Variants in MICAL3 observed in about 807,000 individuals in gnomAD.
The protein encoded by MICAL3 is [F-actin]-monooxygenase MICAL3.
MICAL3 carries 62 observed loss-of-function variants against 207.4 expected under a neutral mutation model. The ratio of observed to expected loss-of-function variants is 0.30; its 90% CI spans 0.24 to 0.37. The LOEUF is 0.37. Ranked by LOEUF, MICAL3 falls within the 10% of genes least tolerant of loss-of-function variation. The pLI, the probability that MICAL3 is intolerant of heterozygous loss-of-function variation, is 1.00. For synonymous variants in MICAL3, 1,077 were observed against 1,069.3 expected (o/e 1.01, Z -0.14); for missense variants, 2,368 against 2,635.6 (o/e 0.90, Z 2.22).
At chr22:17,843,075 T>C (rs996001870) in intron 19 of MICAL3, among the ~76,000 whole-genome samples, 22 of 133,598 alleles carry the variant, frequency 1.6e-4, no homozygotes, top group African/African-American at 6.5e-4. Context: ...GAACCGAGAT[T>C]GCGCCACTGC....
chr22:17,812,414 G>T, intron 27 of MICAL3: 1 of 555,078 alleles, frequency 1.8e-6, no homozygotes. Context: ...AACACAGTTA[G>T]TGAGGATGTG....
intron 1 of MICAL3, among the ~76,000 whole-genome samples, chr22:17,974,394 T>C (rs1020729841): frequency 2.0e-5 from 3 of 152,218 alleles, no homozygotes; most frequent in Admixed American, 2.0e-4. Context: ...ATTTCATGTT[T>C]TACTCAAACC....
intron 1 of MICAL3, among the ~76,000 whole-genome samples, chr22:17,938,827 A>C (rs1279412356): frequency 1.3e-5 from 2 of 151,470 alleles, no homozygotes; most frequent in Non-Finnish European, 2.9e-5. Flanking sequence ...ACACGTGGTG[A>C]AGGTGAAGCA....
chr22:17,800,679 C>A (rs188747571), intron 29 of MICAL3, among the ~76,000 whole-genome samples: 1 of 152,222 alleles, frequency 6.6e-6, no homozygotes, highest in East Asian at 1.9e-4. Flanking sequence ...CTGCTTGGAG[C>A]TTTGCTCTGC....
intron 16 of MICAL3, chr22:17,876,808 TTA>T (rs1928479807): frequency 9.2e-6 from 1 of 108,190 alleles, no homozygotes; most frequent in Non-Finnish European, 2.0e-5. Context: ...GTTATGGAGG[TTA>T]GGGAGGTTAG....
intron 29 of MICAL3, among the ~76,000 whole-genome samples, chr22:17,797,897 G>A (rs766428840): frequency 3.3e-5 from 5 of 152,228 alleles, no homozygotes; most frequent in Non-Finnish European, 5.9e-5. Flanking sequence ...AACTGGCCCC[G>A]GGGACCTGCC....
At position 17,791,012 on chromosome 22, in the gene MICAL3, C is replaced by A. The variant is rs767055189; in HGVS notation, c.5810G>T (p.Arg1937Leu). The change falls in exon 31 of 32, where the codon CGC becomes CTC. Residue 1937 changes from arginine to leucine, a missense_variant. Transcript: ENST00000441493. ...QSRLQQELRE[R>L]MAVEDHLKTE... The stretch of plus-strand genomic sequence containing the variant: ...ACCCCACTCACCTTCCACTGCCATG[C>A]GTTCCCGGAGCTCCTGCTGCAGTCG... 2 of 1,612,386 alleles carry A rather than the reference C, an allele frequency of 1.2e-6. No homozygotes were observed. Among genetic ancestry groups the A allele is most frequent in the Non-Finnish European group, 1.7e-6 (2 of 1,179,814 alleles).
intron 16 of MICAL3, chr22:17,879,337 C>T: frequency 6.2e-7 from 1 of 1,604,554 alleles, no homozygotes; most frequent in Non-Finnish European, 8.5e-7. Flanking sequence ...CGGGTTCATG[C>T]TCTTTTACCC....
At chr22:18,002,888 G>A (rs144764414) in intron 1 of MICAL3, among the ~76,000 whole-genome samples, 1 of 152,138 alleles carries the variant, frequency 6.6e-6, no homozygotes, top group Non-Finnish European at 1.5e-5. Context: ...TGGGCGCGGT[G>A]GCTCACGCCT....
chr22:17,880,200 C>T (rs948064097), intron 16 of MICAL3, among the ~76,000 whole-genome samples: 6 of 152,190 alleles, frequency 3.9e-5, no homozygotes, highest in Admixed American at 1.3e-4. Flanking sequence ...AAGCCAGATT[C>T]GAGTCTGGCT....
At chr22:18,012,150 A>G (rs1241789608) in intron 1 of MICAL3, among the ~76,000 whole-genome samples, 1 of 151,822 alleles carries the variant, frequency 6.6e-6, no homozygotes, top group Non-Finnish European at 1.5e-5. Flanking sequence ...CAGAAGAATC[A>G]CTTGAACTTG....
intron 29 of MICAL3, among the ~76,000 whole-genome samples, chr22:17,800,931 C>T (rs1363088049): frequency 2.0e-5 from 3 of 152,172 alleles, no homozygotes; most frequent in East Asian, 1.9e-4. Flanking sequence ...GTGGCGAGAA[C>T]AGGGCCTAAA....
chr22:17,827,597 C>T (rs5992872), intron 22 of MICAL3, 47 bp downstream of exon 22: 570,177 of 1,503,356 alleles, frequency 0.38, 110,923 homozygotes, highest in Non-Finnish European at 0.4. Context: ...AGGCAGCAGG[C>T]GGGTGGTGCT....
chr22:17,962,432 T>A (rs1163313029), intron 1 of MICAL3, among the ~76,000 whole-genome samples: 1 of 152,078 alleles, frequency 6.6e-6, no homozygotes, highest in Non-Finnish European at 1.5e-5. Context: ...GACCCAGGGC[T>A]CTTAGAGCCG....
In MICAL3 at chr22:17,897,028, T is replaced by A. The variant is rs1451110655; in HGVS notation, c.949-47A>T. 6 of 1,562,808 alleles carry A rather than the reference T, an allele frequency of 3.8e-6. No individual in the cohort carries two copies. In the African/African-American group the frequency reaches 8.2e-5, roughly 21 times the overall value. On this transcript the variant is annotated intron_variant, in intron 7 of 31. Coordinates refer to ENST00000441493, the MANE Select transcript of MICAL3 (RefSeq NM_015241.3). ...GGTAGGGATGGAGAAGCTCTGGCAC[T>A]CAGCCAGAACCATGTTACACAACCC...
At chr22:17,951,956 C>T (rs914149807) in intron 1 of MICAL3, among the ~76,000 whole-genome samples, 1 of 152,142 alleles carries the variant, frequency 6.6e-6, no homozygotes, top group African/African-American at 2.4e-5. Context: ...CTCGGCCTCC[C>T]AAAGTGCTGG....
chr22:17,960,094 C>G (rs535699365), intron 1 of MICAL3, among the ~76,000 whole-genome samples: 1 of 152,322 alleles, frequency 6.6e-6, no homozygotes, highest in Admixed American at 6.5e-5. Flanking sequence ...CAGAAAGCAG[C>G]ACCACAGTTC....
intron 1 of MICAL3, among the ~76,000 whole-genome samples, chr22:17,940,725 A>G (rs1933769455): frequency 6.6e-6 from 1 of 152,310 alleles, no homozygotes; most frequent in South Asian, 2.1e-4. Context: ...CAGAAGAGGC[A>G]GTCAAAATCA....
At chr22:18,006,959 C>T (rs531181245) in intron 1 of MICAL3, among the ~76,000 whole-genome samples, 8 of 152,242 alleles carry the variant, frequency 5.3e-5, no homozygotes, top group African/African-American at 1.2e-4. Context: ...TGGGTTCAAG[C>T]GATTCTCTCG....
Sources: allele counts gnomAD v4.1 joint callset (sites outside exome capture counted in the v4.1 genomes callset), GRCh38; gene constraint gnomAD v4.1.1; transcripts MANE v1.5; gene names NCBI Gene and HGNC (gene_info 2026-07-23, HGNC 2026-07-21).